DCAF12: variants seen among roughly 807,000 people sequenced by gnomAD.
DCAF12 encodes the protein DDB1 and CUL4 associated factor 12.
In DCAF12, 28 loss-of-function variants were observed where a neutral mutation model predicts 52.8. That is an observed-to-expected ratio of 0.53 (90% confidence interval 0.39 to 0.73). The LOEUF (loss-of-function observed/expected upper bound fraction) is 0.73. DCAF12 is among the 30% of genes least tolerant of loss of function. The pLI is 0.00. For missense variants in DCAF12, 425 were observed against 552.2 expected (o/e 0.77, Z 2.31); for synonymous variants, 196 against 215.5 (o/e 0.91, Z 0.79).
At chr9:34,093,549 G>C in intron 6 of DCAF12, 101 bp from the exon 7 acceptor site, 1 of 1,319,398 alleles carries the variant, frequency 7.6e-7, no homozygotes, top group South Asian at 1.3e-5. Context: ...TCATATAAAA[G>C]CCACATAAAA....
intron 8 of DCAF12, 121 bp from the exon 9 acceptor site, chr9:34,088,629 C>T (rs1171835330): frequency 1.8e-6 from 2 of 1,097,938 alleles, no homozygotes; most frequent in East Asian, 4.9e-5. Context: ...GGTACAACCT[C>T]ATGTCAGGAG....
At chr9:34,089,346 G>A in intron 8 of DCAF12, 66 bp downstream of exon 8, 2 of 1,487,218 alleles carry the variant, frequency 1.3e-6, no homozygotes, top group Non-Finnish European at 1.8e-6. Context: ...AGTGGGGGCT[G>A]AGAGATAGAG....
chr9:34,125,327 C>G (rs763094197), intron 1 of DCAF12, 50 bp from the exon 2 acceptor site: 2 of 1,597,876 alleles, frequency 1.3e-6, no homozygotes, highest in East Asian at 2.2e-5. Context: ...TTCTTCAGAA[C>G]AGATCCTACT....
At chr9:34,114,504 C>T (rs959670932) in intron 2 of DCAF12, among the ~76,000 whole-genome samples, 2 of 152,192 alleles carry the variant, frequency 1.3e-5, no homozygotes, top group Non-Finnish European at 2.9e-5. Context: ...CACCCTGCTT[C>T]TTCATGGGAA....
At chr9:34,110,632 G>A (rs1298440071) in intron 2 of DCAF12, among the ~76,000 whole-genome samples, 5 of 152,114 alleles carry the variant, frequency 3.3e-5, no homozygotes, top group Non-Finnish European at 7.3e-5. Flanking sequence ...GGAAGGCCGA[G>A]AAAGAAGTAT....
chr9:34,120,036 T>C (rs186927572), intron 2 of DCAF12, among the ~76,000 whole-genome samples: 1 of 151,362 alleles, frequency 6.6e-6, no homozygotes, highest in East Asian at 1.9e-4. Flanking sequence ...ACCCTGTCTC[T>C]ACTAAAAAAC....
chr9:34,095,363 G>A (rs548104828), intron 6 of DCAF12, among the ~76,000 whole-genome samples: 165 of 141,176 alleles, frequency 1.2e-3, no homozygotes, highest in African/African-American at 4.1e-3. Flanking sequence ...GTGAACCACC[G>A]CGCCAGGCCT....
chr9:34,108,860 G>A (rs1828950533), intron 2 of DCAF12, among the ~76,000 whole-genome samples: 2 of 148,770 alleles, frequency 1.3e-5, no homozygotes, highest in South Asian at 4.2e-4. Flanking sequence ...GCAAGTGCCT[G>A]TAGTCCCAAC....
At position 34,087,673 on chromosome 9, in the gene DCAF12, C is replaced by T. The variant is rs1400783477; in HGVS notation, c.*677G>A. 1 of 152,144 alleles carries T rather than the reference C, an allele frequency of 6.6e-6. No individual in the cohort carries two copies. The highest frequency in any genetic ancestry group is 1.5e-5 in the Non-Finnish European group (1 of 68,024). 9.4% of individuals were successfully genotyped at this position (152,144 alleles called of 1,614,324 possible). Reference sequence around the variant, plus strand: ...GGCATGGGAGGCCCCAGGAAGCCTACAATCTAACTAAAAAGATTTTCCCAG... The same window carrying T: ...GGCATGGGAGGCCCCAGGAAGCCTATAATCTAACTAAAAAGATTTTCCCAG... On this transcript the variant is annotated 3_prime_UTR_variant, in exon 9 of 9. Coordinates refer to ENST00000361264, the MANE Select transcript of DCAF12 (RefSeq NM_015397.4).
At chr9:34,093,937 A>G (rs1265586487) in intron 6 of DCAF12, among the ~76,000 whole-genome samples, 1 of 152,202 alleles carries the variant, frequency 6.6e-6, no homozygotes, top group East Asian at 1.9e-4. Context: ...GCTTAATCCC[A>G]GATAACCCAC....
At chr9:34,125,665 G>A (rs1253566048) in intron 1 of DCAF12, 5 of 464,200 alleles carry the variant, frequency 1.1e-5, no homozygotes, top group Admixed American at 2.4e-5. Context: ...TCCCACTGGA[G>A]CACGGAAGAT....
intron 4 of DCAF12, among the ~76,000 whole-genome samples, chr9:34,102,785 T>C (rs1442945409): frequency 6.6e-6 from 1 of 151,484 alleles, no homozygotes; most frequent in Non-Finnish European, 1.5e-5. Context: ...AAGGAAATGT[T>C]ATATTCCTGG....
chr9:34,124,700 C>A (rs1208767867), intron 2 of DCAF12, among the ~76,000 whole-genome samples: 2 of 152,132 alleles, frequency 1.3e-5, no homozygotes, highest in South Asian at 2.1e-4. Context: ...TTTCTTAAAT[C>A]TTTCCTTTGA....
intron 2 of DCAF12, among the ~76,000 whole-genome samples, chr9:34,118,671 A>G (rs1161741551): frequency 6.6e-6 from 1 of 152,152 alleles, no homozygotes; most frequent in Non-Finnish European, 1.5e-5. Flanking sequence ...AGTGTTAAAT[A>G]ATGATAATAT....
At chr9:34,122,784 A>C (rs924769534) in intron 2 of DCAF12, among the ~76,000 whole-genome samples, 10 of 152,150 alleles carry the variant, frequency 6.6e-5, no homozygotes, top group Non-Finnish European at 1.3e-4. Flanking sequence ...TGCGAAAGAA[A>C]ATCTTTTTAA....
intron 1 of DCAF12, 43 bp downstream of exon 1, chr9:34,126,311 T>C: frequency 6.2e-7 from 1 of 1,606,376 alleles, no homozygotes; most frequent in Non-Finnish European, 8.5e-7. Context: ...CCCATCTTGG[T>C]TCCTCAGCCT....
rs996815191 is a variant in DCAF12 at position 34,126,582 on chromosome 9, A to T, written c.-151T>A. On this transcript the variant is annotated 5_prime_UTR_variant, in exon 1 of 9. Transcript: ENST00000361264. Reference sequence around the variant, plus strand: ...CGGACCCGGAGCGGCAGCAGAAAAAAGATAGGCGGAAAGAAAGGAAAGAGA... The same window carrying T: ...CGGACCCGGAGCGGCAGCAGAAAAATGATAGGCGGAAAGAAAGGAAAGAGA... 3.9e-5 allele frequency: 31 copies of T among 800,098 alleles called. No homozygotes were observed. Among genetic ancestry groups the T allele is most frequent in the Non-Finnish European group, 5.5e-5 (29 of 523,246 alleles). The allele number at this position is 800,098 out of a possible 1,614,324, so 49.6% of individuals were successfully genotyped here. A position where few individuals can be genotyped will look rare whatever the true frequency, so the allele number is the denominator to read the frequency against.
intron 4 of DCAF12, among the ~76,000 whole-genome samples, chr9:34,102,928 A>T (rs1318350244): frequency 6.6e-6 from 1 of 151,552 alleles, no homozygotes; most frequent in African/African-American, 2.4e-5. Flanking sequence ...AATACAAAAA[A>T]CTAGCCAGGC....
At chr9:34,089,911 A>G (rs1243528604) in intron 7 of DCAF12, 3 of 226,610 alleles carry the variant, frequency 1.3e-5, no homozygotes, top group African/African-American at 6.8e-5. Context: ...CTCTCAACTC[A>G]CTCTGGGATC....
Sources: allele counts gnomAD v4.1 joint callset (sites outside exome capture counted in the v4.1 genomes callset), GRCh38; gene constraint gnomAD v4.1.1; transcripts MANE v1.5; gene names NCBI Gene and HGNC (gene_info 2026-07-23, HGNC 2026-07-21).